The following SORL1 variants were observed in gnomAD, a reference collection of about 807,000 sequenced individuals.
The protein encoded by SORL1 is sortilin related receptor 1.
Under a neutral mutation model 273.7 loss-of-function variants are expected in SORL1, and 127 were observed. The ratio of observed to expected loss-of-function variants is 0.46; its 90% CI spans 0.40 to 0.54. The LOEUF (loss-of-function observed/expected upper bound fraction) is 0.54. SORL1 is among the 20% of genes least tolerant of loss of function. SORL1 has a pLI of 0.00. For missense variants in SORL1, 2,494 were observed against 2,846.1 expected (o/e 0.88, Z 2.81); for synonymous variants, 1,031 against 1,067.4 (o/e 0.97, Z 0.66).
chr11:121,561,057 A>G (rs1862664807), intron 21 of SORL1, among the ~76,000 whole-genome samples: 1 of 152,174 alleles, frequency 6.6e-6, no homozygotes, highest in African/African-American at 2.4e-5. Context: ...ACCCCTACTG[A>G]TCTGACTTGC....
At chr11:121,469,968 C>G in intron 1 of SORL1, 39 bp from the exon 2 acceptor site, 1 of 1,288,968 alleles carries the variant, frequency 7.8e-7, no homozygotes, top group Non-Finnish European at 1.1e-6. Context: ...GTGGCCATCA[C>G]TTATCGTGGG....
In SORL1 at chr11:121,605,462, A is replaced by G. The variant is rs1438257731; in HGVS notation, c.4839A>G (p.Val1613=). 1 of 1,614,164 alleles carries G rather than the reference A, an allele frequency of 6.2e-7. No individual in the cohort carries two copies. Among genetic ancestry groups the G allele is most frequent in the South Asian group, 1.1e-5 (1 of 91,076 alleles). Residue 1613 remains valine, a synonymous_variant, in exon 35 of 48, where the codon GTA becomes GTG. Coordinates refer to ENST00000260197, the MANE Select transcript of SORL1 (RefSeq NM_003105.6). ...CCCACAGCAATAAGACAAACACTGT[A>G]TTAAAAGTCTTGAAACCAGATACCA... ...LETHSNKTNT[V]LKVLKPDTTY...
intron 6 of SORL1, among the ~76,000 whole-genome samples, chr11:121,506,803 C>T (rs1238210424): frequency 6.6e-6 from 1 of 152,172 alleles, no homozygotes. Context: ...AATGTAATTA[C>T]TGAAAGGTAG....
chr11:121,517,310 G>A (rs548725352), intron 8 of SORL1, among the ~76,000 whole-genome samples: 3 of 152,090 alleles, frequency 2.0e-5, no homozygotes, highest in Non-Finnish European at 4.4e-5. Context: ...TTTACAGGAT[G>A]TTTCATATAA....
Position 121,581,925 on chromosome 11 carries a change from C to T in SORL1, c.3581-1533C>T, listed in dbSNP as rs1056197344. Among the ~76,000 whole-genome samples, 11 of 152,140 alleles carry T rather than the reference C, an allele frequency of 7.2e-5. 1 individual carries two copies. The highest frequency in any genetic ancestry group is 3.3e-4 in the Admixed American group (5 of 15,264). On this transcript the variant is annotated intron_variant, in intron 25 of 47. Coordinates refer to ENST00000260197, the MANE Select transcript of SORL1 (RefSeq NM_003105.6). The stretch of plus-strand genomic sequence containing the variant: ...TTGAAAGGCTGTCAGACTTGTGACA[C>T]GAATAAATCAAAAGTATTCCAGGCG...
intron 12 of SORL1, among the ~76,000 whole-genome samples, chr11:121,536,439 T>C (rs1298607899): frequency 6.6e-6 from 1 of 150,714 alleles, no homozygotes; most frequent in African/African-American, 2.4e-5. Flanking sequence ...TTTTTTTTTT[T>C]TTTTTTTCTG....
intron 1 of SORL1, among the ~76,000 whole-genome samples, chr11:121,465,019 A>G (rs4936632): frequency 0.47 from 71,255 of 152,012 alleles, 16,982 homozygotes; most frequent in Middle Eastern, 0.59. Context: ...AAAAAATTTG[A>G]GTATATTTCA....
chr11:121,588,474 A>G (rs141468386), intron 28 of SORL1, among the ~76,000 whole-genome samples: 4 of 152,152 alleles, frequency 2.6e-5, no homozygotes, highest in Admixed American at 6.5e-5. Context: ...TCTTGCCAGT[A>G]CTGTATCAGA....
At position 121,550,530 on chromosome 11, in the gene SORL1, C is replaced by T. The variant is rs749351362; in HGVS notation, c.2181-55C>T. 2.0e-6 allele frequency: 3 copies of T among 1,515,754 alleles called. No homozygotes were observed. The highest frequency in any genetic ancestry group is 2.7e-6 in the Non-Finnish European group (3 of 1,091,004). 93.9% of individuals were successfully genotyped at this position (1,515,754 alleles called of 1,614,324 possible). A position where few individuals can be genotyped will look rare whatever the true frequency, so the allele number is the denominator to read the frequency against. Reference sequence around the variant, plus strand: ...GTAAGTGTATTCCCAGCTGGGATGCCTTTGTGGCTATTCTTCCATGTTTCT... The same window carrying T: ...GTAAGTGTATTCCCAGCTGGGATGCTTTTGTGGCTATTCTTCCATGTTTCT... On this transcript the variant is annotated intron_variant, in intron 15 of 47. Coordinates refer to ENST00000260197, the MANE Select transcript of SORL1 (RefSeq NM_003105.6). The surrounding 1 kb of genome is among the most constrained non-coding windows in gnomAD (Gnocchi z 5.3).
chr11:121,627,479 G>A lies in SORL1; in HGVS notation c.6365-76G>A, dbSNP rs1863812753. 1 of 1,227,114 alleles carries A rather than the reference G, an allele frequency of 8.1e-7. No homozygotes were observed. The highest frequency in any genetic ancestry group is 1.2e-6 in the Non-Finnish European group (1 of 839,094). 76.0% of individuals were successfully genotyped at this position (1,227,114 alleles called of 1,614,324 possible). A position where few individuals can be genotyped will look rare whatever the true frequency, so the allele number is the denominator to read the frequency against. ...GCTATCGCCCAGCTTTTTTTGGTGG[G>A]TGGGGCCTTGAGGAGTCATCTGGTC... On this transcript the variant is annotated intron_variant, in intron 46 of 47. Transcript: ENST00000260197. The surrounding 1 kb of genome is among the most constrained non-coding windows in gnomAD (Gnocchi z 4.9).
chr11:121,540,323 A>C (rs1466232848), intron 12 of SORL1, among the ~76,000 whole-genome samples: 1 of 151,806 alleles, frequency 6.6e-6, no homozygotes, highest in Non-Finnish European at 1.5e-5. Flanking sequence ...TTTTTATCTG[A>C]ACAGTTTGAT....
At chr11:121,495,619 T>A (rs564701636) in intron 5 of SORL1, among the ~76,000 whole-genome samples, 2 of 152,222 alleles carry the variant, frequency 1.3e-5, no homozygotes, top group Non-Finnish European at 2.9e-5. Context: ...TTCCCGACTT[T>A]ACCATTTATT....
At chr11:121,590,701 GC>G (rs1863198033) in intron 30 of SORL1, 1 of 652,314 alleles carries the variant, frequency 1.5e-6, no homozygotes, top group South Asian at 1.7e-5. Context: ...GCCACCCTGT[GC>G]CTCCTCAGCC....
intron 6 of SORL1, among the ~76,000 whole-genome samples, chr11:121,510,848 A>C (rs2134841638): frequency 6.6e-6 from 1 of 152,312 alleles, no homozygotes; most frequent in East Asian, 1.9e-4. Flanking sequence ...TCTGCAGGGT[A>C]GAGTGGGAGG....
At chr11:121,539,892 C>T (rs1177773945) in intron 12 of SORL1, among the ~76,000 whole-genome samples, 1 of 151,998 alleles carries the variant, frequency 6.6e-6, no homozygotes, top group Non-Finnish European at 1.5e-5. Flanking sequence ...ATTCTATTGG[C>T]CATCAGAGCA....
At chr11:121,613,218 C>G (rs749514569) in intron 40 of SORL1, among the ~76,000 whole-genome samples, 25 of 152,186 alleles carry the variant, frequency 1.6e-4, no homozygotes, top group Non-Finnish European at 3.4e-4. Flanking sequence ...TAATGAGAGA[C>G]AGCAGAAGGC....
At chr11:121,536,713 C>T (rs1175952932) in intron 12 of SORL1, among the ~76,000 whole-genome samples, 1 of 151,866 alleles carries the variant, frequency 6.6e-6, no homozygotes, top group African/African-American at 2.4e-5. Context: ...TGGTCTTTAT[C>T]ACCTTTTAAC....
At chr11:121,467,030 C>CT (rs58596501) in intron 1 of SORL1, among the ~76,000 whole-genome samples, 65,828 of 125,116 alleles carry the variant, frequency 0.53, 18,248 homozygotes, top group Middle Eastern at 0.61. Flanking sequence ...TTCTTTTTTT[C>CT]TTTTTTTTTT....
At chr11:121,602,902 A>G (rs1348818766) in intron 32 of SORL1, among the ~76,000 whole-genome samples, 1 of 152,206 alleles carries the variant, frequency 6.6e-6, no homozygotes, top group Non-Finnish European at 1.5e-5. Context: ...CACCATGGGC[A>G]GGGGGCAGGG....
Sources: allele counts gnomAD v4.1 joint callset (sites outside exome capture counted in the v4.1 genomes callset), GRCh38; gene constraint gnomAD v4.1.1; non-coding constraint Gnocchi (gnomAD v3.1); transcripts MANE v1.5; gene names NCBI Gene and HGNC (gene_info 2026-07-23, HGNC 2026-07-21).